SYNGR4: variants seen among roughly 807,000 people sequenced by gnomAD.
SYNGR4 encodes synaptogyrin-4.
SYNGR4 carries 15 observed loss-of-function variants against 15.5 expected under a neutral mutation model. The observed-to-expected ratio is 0.97, with a 90% CI of 0.65 to 1.49. The LOEUF (loss-of-function observed/expected upper bound fraction) is 1.49, where lower values mean the gene tolerates loss of function less well. Ranked by LOEUF, SYNGR4 falls within the 40% of genes most tolerant of loss-of-function variation. SYNGR4 has a pLI of 0.00. For synonymous variants in SYNGR4, 121 were observed against 127.4 expected, an observed-to-expected ratio of 0.95 and a Z score of 0.34; for missense variants, 292 against 299.3, an observed-to-expected ratio of 0.98 and a Z score of 0.18.
intron 3 of SYNGR4, among the ~76,000 whole-genome samples, chr19:48,374,698 G>A (rs559730782): frequency 5.7e-4 from 87 of 152,280 alleles, no homozygotes; most frequent in African/African-American, 1.9e-3. Context: ...GCTGCTGGCC[G>A]GGGACGGTGG....
rs1970205362 is a variant in SYNGR4 at position 48,365,743 on chromosome 19, GC to G, written c.-97del. 2 of 1,125,584 alleles carry G rather than the reference GC, an allele frequency of 1.8e-6. No individual in the cohort carries two copies. Among genetic ancestry groups the G allele is most frequent in the Non-Finnish European group, 2.5e-6 (2 of 808,138 alleles). 69.7% of individuals were successfully genotyped at this position (1,125,584 alleles called of 1,614,324 possible). A position where few individuals can be genotyped will look rare whatever the true frequency, so the allele number is the denominator to read the frequency against. The stretch of plus-strand genomic sequence containing the variant: ...ATCTGTGTCATCCCACAGCAGCCAA[GC>G]CCAGGGCTGGCCTGAAGCCCCCGGA... On this transcript the variant is annotated 5_prime_UTR_variant, in exon 2 of 5. Transcript: ENST00000344846.
chr19:48,376,247 G>A lies in SYNGR4; in HGVS notation c.634G>A (p.Ala212Thr), dbSNP rs745334327. 1 of 1,614,042 alleles carries A rather than the reference G, an allele frequency of 6.2e-7. No homozygotes were observed. Among genetic ancestry groups the A allele is most frequent in the Admixed American group, 1.7e-5 (1 of 59,998 alleles). The change falls in exon 5 of 5, where the codon GCT (alanine) becomes ACT (threonine). Residue 212 changes from alanine (A) to threonine (T), a missense_variant. Coordinates refer to ENST00000344846, the MANE Select transcript of SYNGR4 (RefSeq NM_012451.4). The part of the protein sequence containing the change: ...PTTGPNSLSY[A>T]SSALSPCLTA... ...CACTGGCCCCAACAGCCTGAGTTAT[G>A]CTAGCTCTGCCCTGTCCCCCTGTCT...
chr19:48,367,908 A>G (rs1183202210), intron 2 of SYNGR4, among the ~76,000 whole-genome samples: 2 of 152,234 alleles, frequency 1.3e-5, no homozygotes, highest in Admixed American at 6.5e-5. Flanking sequence ...ACTAAGGCCC[A>G]GGGAGATGTT....
intron 3 of SYNGR4, 29 bp from the exon 4 acceptor site, chr19:48,375,584 G>T: frequency 1.3e-6 from 2 of 1,596,290 alleles, no homozygotes; most frequent in Non-Finnish European, 1.7e-6. Context: ...CTTTCCCCCT[G>T]CCCCTTTTCT....
chr19:48,366,823 G>C (rs186764496), intron 2 of SYNGR4, among the ~76,000 whole-genome samples: 1 of 152,268 alleles, frequency 6.6e-6, no homozygotes, highest in Non-Finnish European at 1.5e-5. Flanking sequence ...CCACATTTTA[G>C]GTGCTCAACA....
chr19:48,376,101 T>C lies in SYNGR4; in HGVS notation c.488T>C (p.Leu163Pro). 6.2e-7 allele frequency: 1 copy of C among 1,614,124 alleles called. No homozygotes were observed. The highest frequency in any genetic ancestry group is 8.5e-7 in the Non-Finnish European group (1 of 1,180,016). The change falls in exon 5 of 5, where the codon CTG becomes CCG. Residue 163 changes from leucine (L) to proline (P), a missense_variant. Transcript: ENST00000344846. ...SILVWIFQAYLAFQDLRNDAP... is the reference protein window; with the variant it reads ...SILVWIFQAYPAFQDLRNDAP... Reference sequence around the variant, plus strand: ...TGCCCACAGATATTCCAGGCCTACCTGGCATTCCAGGACCTCCGAAATGAT... The same window carrying C: ...TGCCCACAGATATTCCAGGCCTACCCGGCATTCCAGGACCTCCGAAATGAT...
chr19:48,371,150 A>T (rs1477686229), intron 2 of SYNGR4, among the ~76,000 whole-genome samples: 12 of 152,092 alleles, frequency 7.9e-5, no homozygotes, highest in Admixed American at 1.3e-4. Context: ...TTTCTCTCTT[A>T]TCTCTGAAAC....
intron 2 of SYNGR4, among the ~76,000 whole-genome samples, chr19:48,372,846 T>G (rs1271489871): frequency 1.3e-5 from 2 of 152,128 alleles, no homozygotes; most frequent in African/African-American, 4.8e-5. Flanking sequence ...CCTAAGAAAT[T>G]AATAGGAATT....
intron 2 of SYNGR4, 108 bp downstream of exon 2, chr19:48,366,043 G>A (rs1970215739): frequency 1.7e-6 from 2 of 1,203,794 alleles, no homozygotes; most frequent in East Asian, 2.5e-5. Flanking sequence ...GGTCAGACGG[G>A]GAAACAAGAC....
At chr19:48,372,685 G>T (rs887101587) in intron 2 of SYNGR4, among the ~76,000 whole-genome samples, 1 of 151,920 alleles carries the variant, frequency 6.6e-6, no homozygotes, top group African/African-American at 2.4e-5. Flanking sequence ...AGGGTTACCA[G>T]ATCAGTGTCG....
At chr19:48,375,818 G>T in intron 4 of SYNGR4, 66 bp downstream of exon 4, 1 of 1,578,772 alleles carries the variant, frequency 6.3e-7, no homozygotes, top group Non-Finnish European at 8.6e-7. Context: ...GGTTGAAAGG[G>T]CTAGAACATT....
At position 48,373,685 on chromosome 19, in the gene SYNGR4, A is replaced by G. The variant is rs1344795913; in HGVS notation, c.262A>G (p.Thr88Ala). Residue 88 changes from threonine to alanine, a missense_variant, in exon 3 of 5, where the codon ACA (threonine) becomes GCA (alanine). By Grantham distance (58) the Thr-to-Ala change is moderately conservative. Transcript: ENST00000344846. ...CTGCCTGGCCTTCCTCGTCCTGGAC[A>G]CACAGGAGACCCGCATTGCCGGCAC... ...LSCLAFLVLD[T>A]QETRIAGTRF... 1.2e-6 allele frequency: 2 copies of G among 1,613,852 alleles called. No individual in the cohort carries two copies. The highest frequency in any genetic ancestry group is 1.7e-6 in the Non-Finnish European group (2 of 1,180,028).
At position 48,373,220 on chromosome 19, in the gene SYNGR4, G is replaced by A. The variant is rs1355988160; in HGVS notation, c.94-297G>A. On this transcript the variant is annotated intron_variant, in intron 2 of 4. Coordinates refer to ENST00000344846, the MANE Select transcript of SYNGR4 (RefSeq NM_012451.4). ...GCTGTGGCAGGGAGGGGCAGGGTGT[G>A]GAAAGACTCCCCTGGGGCCATGGTG... is the stretch of plus-strand genomic sequence containing the variant. 3 of 403,368 alleles carry A rather than the reference G, an allele frequency of 7.4e-6. No individual in the cohort carries two copies. The Admixed American group carries it at 1.1e-4, about 15-fold the overall frequency. 25.0% of individuals were successfully genotyped at this position (403,368 alleles called of 1,614,324 possible).
intron 2 of SYNGR4, among the ~76,000 whole-genome samples, chr19:48,370,187 T>C (rs1362873437): frequency 6.6e-6 from 1 of 152,122 alleles, no homozygotes; most frequent in Non-Finnish European, 1.5e-5. Context: ...CGCTGGGTGC[T>C]GGGGATAGAG....
chr19:48,365,066 A>C (rs1600937168), intron 1 of SYNGR4, among the ~76,000 whole-genome samples: 2 of 116,388 alleles, frequency 1.7e-5, no homozygotes, highest in Admixed American at 1.7e-4. Context: ...CCAGGCCCTC[A>C]CCTCTCTGGA....
Position 48,373,691 on chromosome 19 carries a change from G to C in SYNGR4, c.268G>C (p.Glu90Gln), listed in dbSNP as rs1174867882. 1 of 1,613,946 alleles carries C rather than the reference G, an allele frequency of 6.2e-7. No individual in the cohort carries two copies. Residue 90 changes from glutamate (E) to glutamine (Q), a missense_variant, in exon 3 of 5, where the codon GAG (glutamate) becomes CAG (glutamine). Physicochemically the swap from Glu to Gln is conservative, Grantham distance 29. Transcript: ENST00000344846. ...CLAFLVLDTQETRIAGTRFKT... is the reference protein window; with the variant it reads ...CLAFLVLDTQQTRIAGTRFKT... ...GGCCTTCCTCGTCCTGGACACACAG[G>C]AGACCCGCATTGCCGGCACCCGCTT...
rs375256558 is a variant in SYNGR4 at position 48,365,953 on chromosome 19, C to A, written c.93+18C>A. ...TCGAAGGGGTGAGGCCCTCCCATGGCCCGACTGTGCCCCTGGGTGACAGGA... is the reference window on the plus strand; with the variant it reads ...TCGAAGGGGTGAGGCCCTCCCATGGACCGACTGTGCCCCTGGGTGACAGGA... On this transcript the variant is annotated intron_variant, in intron 2 of 4. Transcript: ENST00000344846. 99 of 1,611,892 alleles carry A rather than the reference C, an allele frequency of 6.1e-5. No homozygotes were observed. In the African/African-American group the frequency reaches 1.3e-3, roughly 21 times the overall value.
At chr19:48,370,539 A>G (rs1206661886) in intron 2 of SYNGR4, among the ~76,000 whole-genome samples, 1 of 152,108 alleles carries the variant, frequency 6.6e-6, no homozygotes, top group Non-Finnish European at 1.5e-5. Context: ...GAAGAGTTCC[A>G]ATTCTAACGA....
chr19:48,373,664 C>T lies in SYNGR4; in HGVS notation c.241C>T (p.Leu81=). 1 of 1,613,960 alleles carries T rather than the reference C, an allele frequency of 6.2e-7. No homozygotes were observed. The highest frequency in any genetic ancestry group is 8.5e-7 in the Non-Finnish European group (1 of 1,180,028). ...CGGCTTCCTGGCCTTCCTCAGCTGC[C>T]TGGCCTTCCTCGTCCTGGACACACA... is the stretch of plus-strand genomic sequence containing the variant. ...GAGFLAFLSC[L]AFLVLDTQET... The change falls in exon 3 of 5, where the codon CTG becomes TTG. Residue 81 remains leucine (L), a synonymous_variant. Coordinates refer to ENST00000344846, the MANE Select transcript of SYNGR4 (RefSeq NM_012451.4).
Sources: allele counts gnomAD v4.1 joint callset (sites outside exome capture counted in the v4.1 genomes callset), GRCh38; gene constraint gnomAD v4.1.1; transcripts MANE v1.5; gene names NCBI Gene and HGNC (gene_info 2026-07-23, HGNC 2026-07-21).